ZNF804B: variants seen among roughly 807,000 people sequenced by gnomAD.
ZNF804B encodes the protein zinc finger protein 804B.
ZNF804B carries 80 observed loss-of-function variants against 101.4 expected under a neutral mutation model. The observed-to-expected ratio is 0.79, with a 90% CI of 0.66 to 0.95. The LOEUF (loss-of-function observed/expected upper bound fraction) is 0.95. Ranked by LOEUF, ZNF804B falls within the 40% of genes least tolerant of loss-of-function variation. The probability of loss-of-function intolerance (pLI) is 0.00; values close to 1 mark genes in which losing one functional copy is unlikely to be tolerated. For missense variants in ZNF804B, 1,673 were observed against 1,561.9 expected, an observed-to-expected ratio of 1.07 and a Z score of -1.20; for synonymous variants, 622 against 558.8, an observed-to-expected ratio of 1.11 and a Z score of -1.59.
At chr7:89,327,136 A>G (rs1790908230) in intron 2 of ZNF804B, among the ~76,000 whole-genome samples, 1 of 146,084 alleles carries the variant, frequency 6.8e-6, no homozygotes, top group Non-Finnish European at 1.5e-5. Context: ...GACTGTGACA[A>G]GCTTGGAAAA....
chr7:88,859,062 A>G (rs987149619), intron 1 of ZNF804B, among the ~76,000 whole-genome samples: 14 of 152,126 alleles, frequency 9.2e-5, no homozygotes, highest in African/African-American at 3.4e-4. Flanking sequence ...TATATATTTT[A>G]CTTATCATTG....
At chr7:88,988,937 C>T (rs1317488225) in intron 1 of ZNF804B, among the ~76,000 whole-genome samples, 1 of 151,982 alleles carries the variant, frequency 6.6e-6, no homozygotes, top group Non-Finnish European at 1.5e-5. Context: ...TTAAAATATC[C>T]AGGGGAAGAT....
chr7:89,301,805 A>G (rs1240337421), intron 2 of ZNF804B, among the ~76,000 whole-genome samples: 2 of 151,922 alleles, frequency 1.3e-5, no homozygotes, highest in Non-Finnish European at 2.9e-5. Flanking sequence ...TTCTTAGCCT[A>G]AGGACCAGTT....
chr7:89,047,029 A>C (rs1448705708), intron 1 of ZNF804B, among the ~76,000 whole-genome samples: 1 of 152,008 alleles, frequency 6.6e-6, no homozygotes, highest in Non-Finnish European at 1.5e-5. Flanking sequence ...AGGGCAGATA[A>C]TTTTCATAAA....
At chr7:88,918,552 A>G (rs17301014) in intron 1 of ZNF804B, among the ~76,000 whole-genome samples, 65,070 of 151,990 alleles carry the variant, frequency 0.43, 17,353 homozygotes, top group African/African-American at 0.76. Flanking sequence ...TGTACATAAG[A>G]TTTAAACACT....
At chr7:89,186,992 T>G (rs534751250) in intron 1 of ZNF804B, among the ~76,000 whole-genome samples, 1 of 152,302 alleles carries the variant, frequency 6.6e-6, no homozygotes, top group Non-Finnish European at 1.5e-5. Flanking sequence ...TCTAAATCTT[T>G]CCATCAATAT....
chr7:88,916,427 T>C (rs950052410), intron 1 of ZNF804B, among the ~76,000 whole-genome samples: 2 of 152,158 alleles, frequency 1.3e-5, no homozygotes, highest in African/African-American at 4.8e-5. Flanking sequence ...GAAAACAATG[T>C]CTGAGGTTCT....
At chr7:89,256,785 T>C (rs1342969651) in intron 2 of ZNF804B, among the ~76,000 whole-genome samples, 1 of 152,188 alleles carries the variant, frequency 6.6e-6, no homozygotes, top group Non-Finnish European at 1.5e-5. Flanking sequence ...TTTTCCATAC[T>C]CTTCAGAATT....
chr7:89,058,694 G>A (rs529202484), intron 1 of ZNF804B, among the ~76,000 whole-genome samples: 1 of 152,060 alleles, frequency 6.6e-6, no homozygotes, highest in South Asian at 2.1e-4. Context: ...GAAGGGTTTT[G>A]TTTGTTTGTT....
intron 1 of ZNF804B, among the ~76,000 whole-genome samples, chr7:89,196,771 A>G (rs190527960): frequency 1.1e-3 from 161 of 151,438 alleles, no homozygotes; most frequent in Admixed American, 2.1e-3. Flanking sequence ...CTTAAACAAA[A>G]TAACAGGAAA....
At chr7:89,113,350 G>C (rs917064757) in intron 1 of ZNF804B, among the ~76,000 whole-genome samples, 2 of 151,870 alleles carry the variant, frequency 1.3e-5, no homozygotes, top group South Asian at 4.2e-4. Flanking sequence ...TAATAAACCT[G>C]AACCTAAAAT....
chr7:88,953,735 G>A lies in ZNF804B; in HGVS notation c.108+193651G>A, dbSNP rs917299309. ...CTTCTTTATACTCACTCAAGACAAA[G>A]AGGACCTAGTCTCCCAAAACAAAAA... is the stretch of plus-strand genomic sequence containing the variant. On this transcript the variant is annotated intron_variant, in intron 1 of 3. Coordinates refer to ENST00000333190, the MANE Select transcript of ZNF804B (RefSeq NM_181646.5). Among the ~76,000 whole-genome samples the A allele has an allele frequency of 2.0e-5, 3 of 151,680 alleles. No homozygotes were observed. The South Asian group carries it at 6.2e-4, about 31-fold the overall frequency.
chr7:88,977,789 C>T (rs1167962385), intron 1 of ZNF804B, among the ~76,000 whole-genome samples: 3 of 150,990 alleles, frequency 2.0e-5, no homozygotes, highest in African/African-American at 7.3e-5. Context: ...TTGGTTTGCT[C>T]CTGGTCTTCT....
At chr7:89,013,222 G>T (rs1788491634) in intron 1 of ZNF804B, among the ~76,000 whole-genome samples, 1 of 152,160 alleles carries the variant, frequency 6.6e-6, no homozygotes, top group Admixed American at 6.6e-5. Context: ...CCTGAAAGTG[G>T]TAAGATTTTA....
intron 1 of ZNF804B, among the ~76,000 whole-genome samples, chr7:88,811,711 C>G (rs977267328): frequency 6.6e-6 from 1 of 152,122 alleles, no homozygotes; most frequent in Non-Finnish European, 1.5e-5. Flanking sequence ...CCTCAGCAAA[C>G]TAACACAGGA....
chr7:89,265,047 G>T (rs73708622), intron 2 of ZNF804B, among the ~76,000 whole-genome samples: 22 of 152,258 alleles, frequency 1.4e-4, no homozygotes, highest in African/African-American at 5.3e-4. Context: ...ATTGGATCTA[G>T]AATGATAAAT....
In ZNF804B at chr7:88,829,785, G is replaced by A. The variant is rs546383707; in HGVS notation, c.108+69701G>A. Among the ~76,000 whole-genome samples the A allele has an allele frequency of 1.2e-4, 18 of 152,176 alleles. No individual in the cohort carries two copies. The East Asian group carries it at 3.5e-3, about 29-fold the overall frequency. ...TTGTTTCATATAAAATCCTCTATGA[G>A]ATGAAAATAAAGGAAGATTATTTGC... is the stretch of plus-strand genomic sequence containing the variant. On this transcript the variant is annotated intron_variant, in intron 1 of 3. Transcript: ENST00000333190.
intron 1 of ZNF804B, among the ~76,000 whole-genome samples, chr7:88,907,883 G>A (rs899880206): frequency 6.6e-6 from 1 of 151,942 alleles, no homozygotes; most frequent in African/African-American, 2.4e-5. Flanking sequence ...AGGTTGTTTA[G>A]TAAGAGAGCT....
At chr7:89,303,422 G>C (rs1202214765) in intron 2 of ZNF804B, among the ~76,000 whole-genome samples, 1 of 151,864 alleles carries the variant, frequency 6.6e-6, no homozygotes, top group Non-Finnish European at 1.5e-5. Context: ...TGTGTTAAAA[G>C]GTACACAAAA....
Sources: allele counts gnomAD v4.1 joint callset (sites outside exome capture counted in the v4.1 genomes callset), GRCh38; gene constraint gnomAD v4.1.1; transcripts MANE v1.5; gene names NCBI Gene and HGNC (gene_info 2026-07-23, HGNC 2026-07-21).